LHFPL3: variants seen among roughly 807,000 people sequenced by gnomAD.
LHFPL3 encodes the protein LHFPL tetraspan subfamily member 3 protein.
In LHFPL3, 5 loss-of-function variants were observed where a neutral mutation model predicts 19.3. That is an observed-to-expected ratio of 0.26 (90% CI 0.14 to 0.54). LHFPL3 has a LOEUF of 0.54. Ranked by LOEUF, LHFPL3 falls within the 20% of genes least tolerant of loss-of-function variation. The probability of loss-of-function intolerance (pLI) is 0.94; values close to 1 mark genes in which losing one functional copy is unlikely to be tolerated. For synonymous variants in LHFPL3, 133 were observed against 126.2 expected (o/e 1.05, Z -0.36); for missense variants, 249 against 307.4 (o/e 0.81, Z 1.42).
intron 1 of LHFPL3, among the ~76,000 whole-genome samples, chr7:104,734,665 C>G (rs184787953): frequency 1.3e-5 from 2 of 152,306 alleles, no homozygotes; most frequent in African/African-American, 4.8e-5. Context: ...TGGGTTCAAA[C>G]TTCCTCTTTA....
At chr7:104,840,586 T>C (rs1414917271) in intron 2 of LHFPL3, among the ~76,000 whole-genome samples, 1 of 141,086 alleles carries the variant, frequency 7.1e-6, no homozygotes, top group Non-Finnish European at 1.5e-5. Flanking sequence ...CCTGAAGTAC[T>C]GGGATTACGG....
intron 2 of LHFPL3, among the ~76,000 whole-genome samples, chr7:104,891,133 T>C (rs901187268): frequency 6.6e-6 from 1 of 151,806 alleles, no homozygotes; most frequent in African/African-American, 2.4e-5. Flanking sequence ...GGGTCTGTTT[T>C]GAATGGTTTC....
intron 1 of LHFPL3, among the ~76,000 whole-genome samples, chr7:104,498,496 GTTTT>G (rs35269120): frequency 2.2e-5 from 3 of 134,794 alleles, no homozygotes; most frequent in Non-Finnish European, 1.6e-5. Context: ...TGGAAGCAAT[GTTTT>G]TTTTTTTTTT....
intron 2 of LHFPL3, among the ~76,000 whole-genome samples, chr7:104,804,910 C>T (rs1251093246): frequency 6.6e-6 from 1 of 152,180 alleles, no homozygotes; most frequent in African/African-American, 2.4e-5. Flanking sequence ...CTGTTCTAAG[C>T]CACGAGGTTT....
intron 2 of LHFPL3, among the ~76,000 whole-genome samples, chr7:104,865,407 C>T (rs1791702755): frequency 6.6e-6 from 1 of 152,142 alleles, no homozygotes; most frequent in Non-Finnish European, 1.5e-5. Context: ...AAAACCAAGG[C>T]ACGAGAACTA....
At chr7:104,828,524 C>G (rs562268316) in intron 2 of LHFPL3, among the ~76,000 whole-genome samples, 1 of 152,112 alleles carries the variant, frequency 6.6e-6, no homozygotes, top group East Asian at 1.9e-4. Flanking sequence ...GGAAAGTCTG[C>G]TGGGGATACA....
chr7:104,558,759 CTA>C (rs1789919653), intron 1 of LHFPL3, among the ~76,000 whole-genome samples: 1 of 148,600 alleles, frequency 6.7e-6, no homozygotes, highest in Non-Finnish European at 1.5e-5. Flanking sequence ...TTGCCCATGC[CTA>C]TGTCCTGAAT....
intron 1 of LHFPL3, among the ~76,000 whole-genome samples, chr7:104,707,783 A>T (rs1378344528): frequency 6.6e-6 from 1 of 152,226 alleles, no homozygotes; most frequent in East Asian, 1.9e-4. Context: ...AACCATTACG[A>T]TTCCCTATCC....
At chr7:104,807,011 A>ATATATG (rs1377044318) in intron 2 of LHFPL3, among the ~76,000 whole-genome samples, 42 of 139,766 alleles carry the variant, frequency 3.0e-4, no homozygotes, top group Non-Finnish European at 5.1e-4. Flanking sequence ...CAAAATATAT[A>ATATATG]TGTGTGTGTG....
chr7:104,548,574 C>T (rs148310662), intron 1 of LHFPL3, among the ~76,000 whole-genome samples: 8 of 152,076 alleles, frequency 5.3e-5, no homozygotes, highest in East Asian at 1.9e-4. Flanking sequence ...TAAACAAATA[C>T]GAAATAAAGA....
chr7:104,714,012 T>C (rs1793341782), intron 1 of LHFPL3, among the ~76,000 whole-genome samples: 1 of 152,218 alleles, frequency 6.6e-6, no homozygotes, highest in Non-Finnish European at 1.5e-5. Context: ...CTGGGTTAAG[T>C]CTCATTTTAG....
chr7:104,586,702 T>C (rs1419956863), intron 1 of LHFPL3, among the ~76,000 whole-genome samples: 1 of 152,138 alleles, frequency 6.6e-6, no homozygotes, highest in East Asian at 1.9e-4. Context: ...ACACTGAATT[T>C]TTATAGAAGG....
chr7:104,552,545 TCTTA>T (rs1417274393), intron 1 of LHFPL3, among the ~76,000 whole-genome samples: 6 of 152,190 alleles, frequency 3.9e-5, no homozygotes, highest in Non-Finnish European at 7.3e-5. Context: ...GGAAGGCATC[TCTTA>T]CTTCCCTCAG....
At chr7:104,852,976 C>T (rs943256649) in intron 2 of LHFPL3, among the ~76,000 whole-genome samples, 1 of 152,178 alleles carries the variant, frequency 6.6e-6, no homozygotes, top group African/African-American at 2.4e-5. Flanking sequence ...CCACTGCCAC[C>T]GTCTGCCCGA....
chr7:104,353,941 T>A (rs2116394905), intron 1 of LHFPL3, among the ~76,000 whole-genome samples: 1 of 152,250 alleles, frequency 6.6e-6, no homozygotes, highest in East Asian at 1.9e-4. Context: ...ATATATATAT[T>A]TTTAGTTAGT....
intron 1 of LHFPL3, among the ~76,000 whole-genome samples, chr7:104,419,968 AAACAAC>A (rs113611808): frequency 2.1e-4 from 32 of 152,136 alleles, no homozygotes; most frequent in South Asian, 4.2e-4. Flanking sequence ...ACAAACAAAC[AAACAAC>A]AACAACAACA....
chr7:104,805,762 G>C (rs1181001577), intron 2 of LHFPL3, among the ~76,000 whole-genome samples: 1 of 152,138 alleles, frequency 6.6e-6, no homozygotes, highest in Non-Finnish European at 1.5e-5. Context: ...GCTTTCTTAT[G>C]GGGCTTTTTA....
In LHFPL3 at chr7:104,906,461, T is replaced by C. The variant is rs1298444331; in HGVS notation, c.*246T>C. 2.4e-5 allele frequency: 12 copies of C among 510,266 alleles called. No homozygotes were observed. The highest frequency in any genetic ancestry group is 1.1e-4 in the Admixed American group (3 of 27,582). 31.6% of individuals were successfully genotyped at this position (510,266 alleles called of 1,614,324 possible). A position where few individuals can be genotyped will look rare whatever the true frequency, so the allele number is the denominator to read the frequency against. On this transcript the variant is annotated 3_prime_UTR_variant, in exon 3 of 3. Coordinates refer to ENST00000424859, the MANE Select transcript of LHFPL3 (RefSeq NM_199000.3). The stretch of plus-strand genomic sequence containing the variant: ...TAAACACCAGCTCATTGGAAACTCA[T>C]TGGATGAGATCAGAAAACGTTCATG...
At chr7:104,893,949 CT>C (rs575616904) in intron 2 of LHFPL3, among the ~76,000 whole-genome samples, 3 of 97,408 alleles carry the variant, frequency 3.1e-5, no homozygotes, top group African/African-American at 1.4e-4. Flanking sequence ...GAGACTCCAT[CT>C]CAAAAAAAAA....
Sources: gnomAD v4.1 joint callset for allele counts (sites outside exome capture counted in the v4.1 genomes callset) on GRCh38, gnomAD v4.1.1 for gene constraint, MANE v1.5 for transcripts, NCBI Gene and HGNC (gene_info 2026-07-23, HGNC 2026-07-21) for gene names.